Variants in DACH1 observed in about 807,000 individuals in gnomAD.
The protein encoded by DACH1 is dachshund homolog 1.
Under a neutral mutation model 54.2 loss-of-function variants are expected in DACH1, and 12 were observed. The ratio of observed to expected loss-of-function variants is 0.22; its 90% CI spans 0.14 to 0.36. The LOEUF (loss-of-function observed/expected upper bound fraction) is 0.36, where lower values mean the gene tolerates loss of function less well. DACH1 is among the 10% of genes least tolerant of loss of function. The pLI is 1.00. For missense variants in DACH1, 805 were observed against 929.8 expected, an observed-to-expected ratio of 0.87 and a Z score of 1.75; for synonymous variants, 386 against 366.2, an observed-to-expected ratio of 1.05 and a Z score of -0.62.
chr13:71,683,211 G>A (rs1880997527), intron 1 of DACH1, among the ~76,000 whole-genome samples: 1 of 152,032 alleles, frequency 6.6e-6, no homozygotes, highest in Admixed American at 6.6e-5. Flanking sequence ...CTTGCCAAAG[G>A]GGAAGAATCT....
At chr13:71,629,298 T>A (rs1412634657) in intron 3 of DACH1, among the ~76,000 whole-genome samples, 1 of 152,072 alleles carries the variant, frequency 6.6e-6, no homozygotes, top group African/African-American at 2.4e-5. Flanking sequence ...TAGGGCCATC[T>A]CTTTTGGCTC....
chr13:71,786,465 G>T (rs1195406862), intron 1 of DACH1, among the ~76,000 whole-genome samples: 1 of 152,086 alleles, frequency 6.6e-6, no homozygotes, highest in Non-Finnish European at 1.5e-5. Flanking sequence ...ATTTATTGTA[G>T]ATCTAATGAT....
chr13:71,769,946 G>T (rs897993150), intron 1 of DACH1, among the ~76,000 whole-genome samples: 1 of 151,634 alleles, frequency 6.6e-6, no homozygotes, highest in Non-Finnish European at 1.5e-5. Flanking sequence ...TCATGGCAAA[G>T]GCAAGCTCTA....
At chr13:71,717,354 C>T (rs1883022580) in intron 1 of DACH1, among the ~76,000 whole-genome samples, 1 of 152,122 alleles carries the variant, frequency 6.6e-6, no homozygotes, top group Admixed American at 6.5e-5. Flanking sequence ...AACAAAATAG[C>T]TTTTATCACA....
At chr13:71,821,208 G>A (rs1888172243) in intron 1 of DACH1, among the ~76,000 whole-genome samples, 1 of 152,144 alleles carries the variant, frequency 6.6e-6, no homozygotes, top group South Asian at 2.1e-4. Flanking sequence ...ATGGTGCTTA[G>A]TTCCTTTTAA....
intron 4 of DACH1, 44 bp downstream of exon 4, chr13:71,572,796 C>G: frequency 6.4e-7 from 1 of 1,573,922 alleles, no homozygotes; most frequent in Non-Finnish European, 8.6e-7. Context: ...GGGATGGTGG[C>G]TTAAGATGAA....
At chr13:71,567,831 T>C (rs893144440) in intron 4 of DACH1, among the ~76,000 whole-genome samples, 1 of 152,014 alleles carries the variant, frequency 6.6e-6, no homozygotes, top group Admixed American at 6.6e-5. Context: ...CACTATTACT[T>C]CTATTTCAGC....
intron 6 of DACH1, among the ~76,000 whole-genome samples, chr13:71,515,202 A>T (rs58331402): frequency 0.024 from 3,632 of 151,956 alleles, 94 homozygotes; most frequent in African/African-American, 0.065. Flanking sequence ...TGAAATTTTT[A>T]AAAAAGATAA....
chr13:71,748,856 TTC>T (rs1304397270), intron 1 of DACH1, among the ~76,000 whole-genome samples: 4 of 27,998 alleles, frequency 1.4e-4, no homozygotes, highest in African/African-American at 3.2e-4. Context: ...CTTTCTTTCT[TTC>T]TTTCTTTCTT....
chr13:71,581,133 C>G (rs1593930531), intron 3 of DACH1, among the ~76,000 whole-genome samples: 1 of 151,638 alleles, frequency 6.6e-6, no homozygotes, highest in East Asian at 1.9e-4. Flanking sequence ...AAATCCAGAC[C>G]AATTCTCACA....
chr13:71,707,476 C>A (rs1341162634), intron 1 of DACH1, among the ~76,000 whole-genome samples: 2 of 152,158 alleles, frequency 1.3e-5, no homozygotes, highest in African/African-American at 4.8e-5. Flanking sequence ...CTGAGCCTCC[C>A]TGAACACTTG....
intron 1 of DACH1, among the ~76,000 whole-genome samples, chr13:71,808,286 AT>A (rs373447982): frequency 3.3e-5 from 5 of 152,036 alleles, no homozygotes; most frequent in Admixed American, 1.3e-4. Flanking sequence ...TCTCCATGAG[AT>A]TTTTTTGTGG....
At chr13:71,667,691 C>T (rs1057461993) in intron 2 of DACH1, among the ~76,000 whole-genome samples, 2 of 152,060 alleles carry the variant, frequency 1.3e-5, no homozygotes, top group Non-Finnish European at 2.9e-5. Context: ...AAAAAGACAA[C>T]TCATATGGAC....
chr13:71,589,152 C>T (rs537079213), intron 3 of DACH1, among the ~76,000 whole-genome samples: 177 of 152,060 alleles, frequency 1.2e-3, no homozygotes, highest in Non-Finnish European at 1.2e-3. Context: ...AAGAAAGCTG[C>T]TTTTAGTTAA....
At chr13:71,736,914 A>C (rs182325699) in intron 1 of DACH1, among the ~76,000 whole-genome samples, 1 of 152,204 alleles carries the variant, frequency 6.6e-6, no homozygotes, top group South Asian at 2.1e-4. Context: ...AAACATCTTT[A>C]TGGAAAACCA....
intron 6 of DACH1, among the ~76,000 whole-genome samples, chr13:71,497,572 T>C (rs1301622966): frequency 6.6e-6 from 1 of 152,082 alleles, no homozygotes; most frequent in Non-Finnish European, 1.5e-5. Flanking sequence ...CCTTGGGTGA[T>C]CCGCCTGCCT....
chr13:71,799,345 T>C (rs1887193217), intron 1 of DACH1, among the ~76,000 whole-genome samples: 1 of 152,126 alleles, frequency 6.6e-6, no homozygotes, highest in South Asian at 2.1e-4. Context: ...TGGCTGCCAA[T>C]GCATGAAATT....
chr13:71,466,326 CTTAAT>C (rs1453170557), intron 10 of DACH1, among the ~76,000 whole-genome samples: 2 of 152,108 alleles, frequency 1.3e-5, no homozygotes, highest in African/African-American at 2.4e-5. Context: ...AGCAAGCCAA[CTTAAT>C]TTATTTTTTT....
chr13:71,690,678 T>C (rs910184002), intron 1 of DACH1, among the ~76,000 whole-genome samples: 1 of 152,198 alleles, frequency 6.6e-6, no homozygotes. Context: ...ACGCCTATAA[T>C]CTCAGCACTT....
Sources: gnomAD v4.1 joint callset for allele counts (sites outside exome capture counted in the v4.1 genomes callset) on GRCh38, gnomAD v4.1.1 for gene constraint, MANE v1.5 for transcripts, NCBI Gene and HGNC (gene_info 2026-07-23, HGNC 2026-07-21) for gene names.